Variants in KCNQ1 observed in about 807,000 individuals in gnomAD.
KCNQ1 encodes potassium voltage-gated channel subfamily Q member 1, also known as potassium voltage-gated channel subfamily KQT member 1.
Under a neutral mutation model 72.4 loss-of-function variants are expected in KCNQ1, and 49 were observed. That is an observed-to-expected ratio of 0.68 (90% CI 0.54 to 0.86). KCNQ1 has a LOEUF of 0.86. KCNQ1 is among the 40% of genes least tolerant of loss of function. KCNQ1 has a pLI of 0.00. For missense variants in KCNQ1, 790 were observed against 945.1 expected (o/e 0.84, Z 2.15); for synonymous variants, 450 against 412.6 (o/e 1.09, Z -1.10).
intron 2 of KCNQ1, among the ~76,000 whole-genome samples, chr11:2,568,997 G>A (rs989985476): frequency 6.6e-6 from 1 of 152,144 alleles, no homozygotes; most frequent in African/African-American, 2.4e-5. Context: ...CGATTCTCCT[G>A]CCTCAGCCTC....
chr11:2,835,134 G>A (rs1022586194), intron 15 of KCNQ1, among the ~76,000 whole-genome samples: 9 of 152,150 alleles, frequency 5.9e-5, no homozygotes, highest in African/African-American at 1.9e-4. Context: ...GCTGCAAACC[G>A]GCCCTGGCTG....
chr11:2,600,486 C>T lies in KCNQ1; in HGVS notation c.1393+11632C>T, dbSNP rs1032799661. On this transcript the variant is annotated intron_variant, in intron 10 of 15. Transcript: ENST00000155840. The surrounding 1 kb of genome is among the most constrained non-coding windows in gnomAD (Gnocchi z 5.6). ...CTTTCTCTACATTATATTCACATAA[C>T]ATGTTTTTCTGAAACATCTGTGAGT... Among the ~76,000 whole-genome samples the T allele has an allele frequency of 6.6e-5, 10 of 152,202 alleles. No homozygotes were observed. Among genetic ancestry groups the T allele is most frequent in the African/African-American group, 2.4e-4 (10 of 41,456 alleles).
In KCNQ1 at chr11:2,611,445, C is replaced by T. The variant is rs895739485; in HGVS notation, c.1393+22591C>T. ...CAGGCTGGTCTTGAACTCCTGACCT[C>T]GAGTGATCTGTCTGCCTCAGCCTCC... is the stretch of plus-strand genomic sequence containing the variant. On this transcript the variant is annotated intron_variant, in intron 10 of 15. Coordinates refer to ENST00000155840, the MANE Select transcript of KCNQ1 (RefSeq NM_000218.3). The surrounding 1 kb of genome is among the most constrained non-coding windows in gnomAD (Gnocchi z 5.3). 4 of 397,792 alleles carry T rather than the reference C, an allele frequency of 1.0e-5. No individual in the cohort carries two copies. Among genetic ancestry groups the T allele is most frequent in the African/African-American group, 2.1e-5 (1 of 48,724 alleles). The allele number at this position is 397,792 out of a possible 1,614,324, so 24.6% of individuals were successfully genotyped here.
At chr11:2,835,511 A>C (rs1203854616) in intron 15 of KCNQ1, among the ~76,000 whole-genome samples, 1 of 152,176 alleles carries the variant, frequency 6.6e-6, no homozygotes, top group East Asian at 1.9e-4. Context: ...ACTATTCTTC[A>C]GGCAGCTCAC....
At chr11:2,823,102 G>A (rs1347099844) in intron 15 of KCNQ1, among the ~76,000 whole-genome samples, 1 of 151,574 alleles carries the variant, frequency 6.6e-6, no homozygotes, top group East Asian at 1.9e-4. Flanking sequence ...CTAAAGAAAG[G>A]GCCCACTGAG....
chr11:2,482,468 C>G lies in KCNQ1; in HGVS notation c.386+36984C>G, dbSNP rs1225038319. ...GCATTGTGATGCAAATCCTTGTACA[C>G]TCATTTTTGCCTGGAACTCAAGATT... On this transcript the variant is annotated intron_variant, in intron 1 of 15. Coordinates refer to ENST00000155840, the MANE Select transcript of KCNQ1 (RefSeq NM_000218.3). The surrounding 1 kb of genome is among the most constrained non-coding windows in gnomAD (Gnocchi z 5.7). 6.6e-6 allele frequency among the ~76,000 whole-genome samples: 1 copy of G among 152,116 alleles called. No homozygotes were observed.
At position 2,463,866 on chromosome 11, in the gene KCNQ1, G is replaced by T. The variant is rs1025762939; in HGVS notation, c.386+18382G>T. 6.6e-6 allele frequency among the ~76,000 whole-genome samples: 1 copy of T among 152,220 alleles called. No homozygotes were observed. Among genetic ancestry groups the T allele is most frequent in the East Asian group, 1.9e-4 (1 of 5,202 alleles). On this transcript the variant is annotated intron_variant, in intron 1 of 15. Coordinates refer to ENST00000155840, the MANE Select transcript of KCNQ1 (RefSeq NM_000218.3). This position sits in a 1 kb window ranked among gnomAD's most constrained non-coding sequence, Gnocchi z 7.0. ...TGTAGGTGCTTGTGTAGATGCCCCC[G>T]TGCGGGGACTTGTTTGGCTGATGGA...
At chr11:2,743,421 A>G (rs1027723664) in intron 11 of KCNQ1, among the ~76,000 whole-genome samples, 1 of 152,238 alleles carries the variant, frequency 6.6e-6, no homozygotes, top group African/African-American at 2.4e-5. Context: ...ACTTAGGGGT[A>G]GAAATTATCC....
intron 1 of KCNQ1, among the ~76,000 whole-genome samples, chr11:2,485,246 G>A (rs570459103): frequency 6.5e-4 from 99 of 152,120 alleles, no homozygotes; most frequent in Middle Eastern, 6.8e-3. Context: ...ACTTATCTGG[G>A]GGTCTGTGTG....
rs1323016543 is a variant in KCNQ1, at chr11:2,566,003, A to G, written c.478-4625A>G. On this transcript the variant is annotated intron_variant, in intron 2 of 15. Coordinates refer to ENST00000155840, the MANE Select transcript of KCNQ1 (RefSeq NM_000218.3). This position sits in a 1 kb window ranked among gnomAD's most constrained non-coding sequence, Gnocchi z 6.7. ...CTCTCCAGCTTCCCGGCTGCCCACTAGATGACCACCAAGGCAGGGCGGCTG... is the reference window on the plus strand; with the variant it reads ...CTCTCCAGCTTCCCGGCTGCCCACTGGATGACCACCAAGGCAGGGCGGCTG... Among the ~76,000 whole-genome samples the G allele has an allele frequency of 6.6e-6, 1 of 151,836 alleles. No homozygotes were observed. The highest frequency in any genetic ancestry group is 1.5e-5 in the Non-Finnish European group (1 of 67,972).
rs1303302763 is a variant in KCNQ1, at chr11:2,593,952, C to T, written c.1393+5098C>T. 1.3e-5 allele frequency among the ~76,000 whole-genome samples: 2 copies of T among 152,214 alleles called. No individual in the cohort carries two copies. The highest frequency in any genetic ancestry group is 4.8e-5 in the African/African-American group (2 of 41,452). On this transcript the variant is annotated intron_variant, in intron 10 of 15. Coordinates refer to ENST00000155840, the MANE Select transcript of KCNQ1 (RefSeq NM_000218.3). The surrounding 1 kb of genome is among the most constrained non-coding windows in gnomAD (Gnocchi z 6.9). ...CTGGGACCTCAAGGTGCTCCAGATC[C>T]TACTGCCTCCTGCCGTTTCCTGGGC...
chr11:2,640,562 CTT>C lies in KCNQ1; in HGVS notation c.1394-21384_1394-21383del, dbSNP rs58881533. On this transcript the variant is annotated intron_variant, in intron 10 of 15. Coordinates refer to ENST00000155840, the MANE Select transcript of KCNQ1 (RefSeq NM_000218.3). ...TGGCCCCCCAAAGCACTGGGATTTC[CTT>C]TTTTTTTTTTTTTTGACCGATACAT... 0.63 allele frequency: 241,577 copies of C among 385,424 alleles called. 52,066 individuals are homozygous for C. The highest frequency in any genetic ancestry group is 0.76 in the African/African-American group (34,506 of 45,676). The allele number at this position is 385,424 out of a possible 1,614,324, so 23.9% of individuals were successfully genotyped here. A position where few individuals can be genotyped will look rare whatever the true frequency, so the allele number is the denominator to read the frequency against.
rs534548640 is a variant in KCNQ1 at position 2,678,203 on chromosome 11, A to G, written c.1514+16122A>G. On this transcript the variant is annotated intron_variant, in intron 11 of 15. Transcript: ENST00000155840. This position sits in a 1 kb window ranked among gnomAD's most constrained non-coding sequence, Gnocchi z 4.9. ...TGGCAGAATTTTTTTAATTTCACAT[A>G]GTCAGCTGTGTCAGTCTTTTATGGT... 1 of 398,220 alleles carries G rather than the reference A, an allele frequency of 2.5e-6. No homozygotes were observed. The highest frequency in any genetic ancestry group is 3.6e-5 in the East Asian group (1 of 28,012). The allele number at this position is 398,220 out of a possible 1,614,324, so 24.7% of individuals were successfully genotyped here.
At chr11:2,794,318 C>T (rs186896895) in intron 15 of KCNQ1, among the ~76,000 whole-genome samples, 2 of 152,300 alleles carry the variant, frequency 1.3e-5, no homozygotes, top group Admixed American at 6.5e-5. Flanking sequence ...TGCTGTGAGC[C>T]CCCACGTGGG....
At chr11:2,539,376 C>T (rs75436503) in intron 2 of KCNQ1, among the ~76,000 whole-genome samples, 2,812 of 152,292 alleles carry the variant, frequency 0.018, 82 homozygotes, top group African/African-American at 0.057. Flanking sequence ...GCTACAGGAG[C>T]GCAATCTTTC....
In KCNQ1 at chr11:2,830,383, A is replaced by G; in HGVS notation, c.1795-17384A>G. 6.6e-6 allele frequency among the ~76,000 whole-genome samples: 1 copy of G among 152,118 alleles called. No individual in the cohort carries two copies. The highest frequency in any genetic ancestry group is 1.9e-4 in the East Asian group (1 of 5,190). The stretch of plus-strand genomic sequence containing the variant: ...AGAGCTATGACCTGAATGATATCTT[A>G]GATGATCTCCAAGGCCCCGGGATCT... On this transcript the variant is annotated intron_variant, in intron 15 of 15. Transcript: ENST00000155840. The surrounding 1 kb of genome is among the most constrained non-coding windows in gnomAD (Gnocchi z 7.7).
At chr11:2,539,418 A>G (rs1358541174) in intron 2 of KCNQ1, among the ~76,000 whole-genome samples, 1 of 152,206 alleles carries the variant, frequency 6.6e-6, no homozygotes, top group Non-Finnish European at 1.5e-5. Context: ...GAACGGGCTT[A>G]CGCTAGGCAG....
rs1017029585 is a variant in KCNQ1, at chr11:2,803,638, G to A, written c.1794+25601G>A. On this transcript the variant is annotated intron_variant, in intron 15 of 15. Transcript: ENST00000155840. The surrounding 1 kb of genome is among the most constrained non-coding windows in gnomAD (Gnocchi z 6.4). ...GTCTGCAGCCCCATCTCCAGGTCCC[G>A]GCCTGCCCCAGCCTGCCCACCCCCA... 3.3e-5 allele frequency among the ~76,000 whole-genome samples: 5 copies of A among 152,028 alleles called. No homozygotes were observed. The highest frequency in any genetic ancestry group is 1.9e-4 in the East Asian group (1 of 5,180).
chr11:2,823,728 G>A (rs1040108976), intron 15 of KCNQ1, among the ~76,000 whole-genome samples: 1 of 152,242 alleles, frequency 6.6e-6, no homozygotes, highest in Non-Finnish European at 1.5e-5. Flanking sequence ...TGTTAGAGAA[G>A]AGAGCAGAGA....
Sources: gnomAD v4.1 joint callset for allele counts (sites outside exome capture counted in the v4.1 genomes callset) on GRCh38, gnomAD v4.1.1 for gene constraint, Gnocchi (gnomAD v3.1) non-coding constraint, MANE v1.5 for transcripts, NCBI Gene and HGNC (gene_info 2026-07-23, HGNC 2026-07-21) for gene names.